Variants in ELF1 observed in about 807,000 individuals in gnomAD.
The protein encoded by ELF1 is ETS-related transcription factor Elf-1.
Under a neutral mutation model 59.9 loss-of-function variants are expected in ELF1, and 24 were observed. The observed-to-expected ratio is 0.40, with a 90% CI of 0.29 to 0.56. ELF1 has a LOEUF of 0.56. Among genes scored for constraint, ELF1 ranks in the 20% least tolerant of loss-of-function variants. The pLI, the probability that ELF1 is intolerant of heterozygous loss-of-function variation, is 0.44. For synonymous variants in ELF1, 248 were observed against 266.2 expected (o/e 0.93, Z 0.67); for missense variants, 627 against 742.2 (o/e 0.84, Z 1.80).
At chr13:40,983,627 C>T (rs1237934007) in intron 1 of ELF1, among the ~76,000 whole-genome samples, 1 of 152,048 alleles carries the variant, frequency 6.6e-6, no homozygotes, top group Non-Finnish European at 1.5e-5. Flanking sequence ...AACTCCAACA[C>T]TGGGAAAGTA....
rs1871643473 is a variant in ELF1 at position 40,959,085 on chromosome 13, C to T, written c.73-69G>A. On this transcript the variant is annotated intron_variant, in intron 2 of 8. Coordinates refer to ENST00000239882, the MANE Select transcript of ELF1 (RefSeq NM_172373.4). ...ACAGTTTTGCTTTTGTTAAATAATGCTCAAAACTATTTTATACTAGCCATC... is the reference window on the plus strand; with the variant it reads ...ACAGTTTTGCTTTTGTTAAATAATGTTCAAAACTATTTTATACTAGCCATC... 2.7e-6 allele frequency: 4 copies of T among 1,495,700 alleles called. No individual in the cohort carries two copies. In the Admixed American group the frequency reaches 9.6e-5, roughly 36 times the overall value. The allele number at this position is 1,495,700 out of a possible 1,614,324, so 92.7% of individuals were successfully genotyped here.
rs1869459287 is a variant in ELF1, at chr13:40,932,271, TC to T, written c.*1153del. 1 of 152,312 alleles carries T rather than the reference TC, an allele frequency of 6.6e-6. No individual in the cohort carries two copies. Among genetic ancestry groups the T allele is most frequent in the Admixed American group, 6.5e-5 (1 of 15,292 alleles). The allele number at this position is 152,312 out of a possible 1,614,324, so 9.4% of individuals were successfully genotyped here. On this transcript the variant is annotated 3_prime_UTR_variant, in exon 9 of 9. Transcript: ENST00000239882. Reference sequence around the variant, plus strand: ...ACATTATTTACAGTTGAAAAAGTAATCTAAAAACATTTCATTTCAGAAAGTT... The same window carrying T: ...ACATTATTTACAGTTGAAAAAGTAATTAAAAACATTTCATTTCAGAAAGTT...
At chr13:41,038,063 C>T (rs1018518154) in intron 1 of ELF1, among the ~76,000 whole-genome samples, 54 of 102,238 alleles carry the variant, frequency 5.3e-4, no homozygotes, top group African/African-American at 1.7e-3. Flanking sequence ...AGTGAAGAAA[C>T]CTTAAAAAAA....
intron 1 of ELF1, among the ~76,000 whole-genome samples, chr13:41,060,437 C>T (rs1319479311): frequency 6.6e-6 from 1 of 152,144 alleles, no homozygotes. Context: ...GTCTGGAAAA[C>T]TACGGGCCGG....
intron 1 of ELF1, among the ~76,000 whole-genome samples, chr13:40,984,452 T>C (rs979600600): frequency 3.9e-5 from 6 of 152,124 alleles, no homozygotes; most frequent in African/African-American, 1.4e-4. Context: ...TTTGTGATCC[T>C]AGCTACTCAG....
intron 7 of ELF1, 119 bp downstream of exon 7, chr13:40,942,833 C>T: frequency 9.2e-7 from 1 of 1,082,534 alleles, no homozygotes; most frequent in Non-Finnish European, 1.2e-6. Context: ...AAAATGTACC[C>T]TCTTATTATG....
chr13:40,960,114 CCTA>C (rs1176413711), intron 2 of ELF1, among the ~76,000 whole-genome samples: 6 of 152,096 alleles, frequency 3.9e-5, no homozygotes, highest in African/African-American at 1.4e-4. Context: ...GCTTCTTAAT[CCTA>C]CTTTGTGTTA....
intron 1 of ELF1, among the ~76,000 whole-genome samples, chr13:41,042,315 TA>T (rs201518898): frequency 6.3e-4 from 94 of 148,974 alleles, no homozygotes; most frequent in Admixed American, 9.4e-4. Context: ...TTTTTTTTTT[TA>T]TTATTATTAT....
At chr13:40,977,067 GA>G (rs978876802) in intron 2 of ELF1, among the ~76,000 whole-genome samples, 3 of 147,918 alleles carry the variant, frequency 2.0e-5, no homozygotes, top group African/African-American at 5.0e-5. Flanking sequence ...ACCAATGACT[GA>G]AAAAAAAATA....
chr13:41,035,879 G>A (rs7997906), intron 1 of ELF1, among the ~76,000 whole-genome samples: 38,035 of 147,884 alleles, frequency 0.26, 5,183 homozygotes, highest in South Asian at 0.41. Flanking sequence ...AAAAATTGAC[G>A]ACAACAAAAA....
intron 1 of ELF1, among the ~76,000 whole-genome samples, chr13:41,013,794 T>C (rs1169209457): frequency 2.0e-5 from 3 of 152,100 alleles, no homozygotes; most frequent in Admixed American, 6.6e-5. Context: ...ATTGCCCCAT[T>C]ACAATACTAA....
At chr13:40,955,371 A>G (rs9562252) in intron 3 of ELF1, among the ~76,000 whole-genome samples, 129,009 of 132,602 alleles carry the variant, frequency 0.97, 62,814 homozygotes, top group Non-Finnish European at 1. Flanking sequence ...CGGGAGGGAG[A>G]TGGGGGGGTC....
chr13:40,948,501 C>T (rs1870642468), intron 5 of ELF1, among the ~76,000 whole-genome samples: 1 of 152,190 alleles, frequency 6.6e-6, no homozygotes, highest in African/African-American at 2.4e-5. Flanking sequence ...GCTGCAGTGT[C>T]GGCTCATGTT....
rs569986166 is a variant in ELF1, at chr13:41,005,885, G to A, written c.-229+13343C>T. 5.3e-5 allele frequency among the ~76,000 whole-genome samples: 8 copies of A among 152,156 alleles called. No homozygotes were observed. In the East Asian group the frequency reaches 1.5e-3, roughly 29 times the overall value. On this transcript the variant is annotated intron_variant, in intron 1 of 8. Transcript: ENST00000239882. ...ATTCATATTCTGTATCATAAACTTG[G>A]GCAAAATGCAGCTATCTTATCCATT... is the stretch of plus-strand genomic sequence containing the variant.
At chr13:41,058,041 A>T (rs1877352059) in intron 1 of ELF1, among the ~76,000 whole-genome samples, 1 of 152,172 alleles carries the variant, frequency 6.6e-6, no homozygotes, top group Admixed American at 6.5e-5. Flanking sequence ...TCCTAAACAT[A>T]AAATGTACGG....
At chr13:41,026,438 G>T (rs1367446842) in intron 1 of ELF1, among the ~76,000 whole-genome samples, 1 of 152,176 alleles carries the variant, frequency 6.6e-6, no homozygotes, top group African/African-American at 2.4e-5. Flanking sequence ...AGAAGGCTCT[G>T]TAACAAATCT....
chr13:41,060,091 C>T (rs1877451736), intron 1 of ELF1, among the ~76,000 whole-genome samples: 1 of 152,228 alleles, frequency 6.6e-6, no homozygotes, highest in African/African-American at 2.4e-5. Flanking sequence ...TTGGGAAGAC[C>T]TCGCAGGCCG....
intron 1 of ELF1, among the ~76,000 whole-genome samples, chr13:40,999,098 A>C (rs749154161): frequency 3.3e-5 from 5 of 152,232 alleles, no homozygotes; most frequent in Non-Finnish European, 7.3e-5. Context: ...TTATTGATGG[A>C]GTTCGTGGTA....
chr13:41,023,354 G>A (rs1033718717), upstream of ELF1, among the ~76,000 whole-genome samples: 5 of 152,078 alleles, frequency 3.3e-5, no homozygotes, highest in Non-Finnish European at 7.4e-5. Context: ...GTTTGAATCC[G>A]CCCCATAGGT....
Sources: gnomAD v4.1 joint callset for allele counts (sites outside exome capture counted in the v4.1 genomes callset) on GRCh38, gnomAD v4.1.1 for gene constraint, MANE v1.5 for transcripts, NCBI Gene and HGNC (gene_info 2026-07-23, HGNC 2026-07-21) for gene names.